The following TRPM3 variants were observed in gnomAD, a reference collection of about 807,000 sequenced individuals.
The protein encoded by TRPM3 is transient receptor potential cation channel subfamily M member 3.
TRPM3 carries 77 observed loss-of-function variants against 181.2 expected under a neutral mutation model. The ratio of observed to expected loss-of-function variants is 0.42; its 90% CI spans 0.35 to 0.51. The LOEUF (loss-of-function observed/expected upper bound fraction) is 0.51, where lower values mean the gene tolerates loss of function less well. Among genes scored for constraint, TRPM3 ranks in the 20% least tolerant of loss-of-function variants. The pLI, the probability that TRPM3 is intolerant of heterozygous loss-of-function variation, is 0.01. For missense variants in TRPM3, 1,759 were observed against 2,196.7 expected, an observed-to-expected ratio of 0.80 and a Z score of 3.98; for synonymous variants, 745 against 796.4, an observed-to-expected ratio of 0.94 and a Z score of 1.09.
intron 5 of TRPM3, among the ~76,000 whole-genome samples, chr9:70,840,688 A>T (rs1009463337): frequency 6.6e-6 from 1 of 152,170 alleles, no homozygotes; most frequent in Non-Finnish European, 1.5e-5. Flanking sequence ...AGGTAGAAGA[A>T]TCAGAAGTGA....
intron 1 of TRPM3, among the ~76,000 whole-genome samples, chr9:70,905,817 A>T (rs761448489): frequency 6.6e-6 from 1 of 151,638 alleles, no homozygotes; most frequent in Non-Finnish European, 1.5e-5. Context: ...ATTGCAGCTC[A>T]CTGTTTGCCT....
intron 7 of TRPM3, among the ~76,000 whole-genome samples, chr9:70,783,654 A>T (rs1031781196): frequency 5.3e-5 from 8 of 152,206 alleles, no homozygotes; most frequent in African/African-American, 1.7e-4. Context: ...TCTACCACAT[A>T]TCTTCACAGT....
At chr9:70,950,387 A>G (rs1590016535) in intron 1 of TRPM3, among the ~76,000 whole-genome samples, 2 of 152,182 alleles carry the variant, frequency 1.3e-5, no homozygotes, top group East Asian at 3.9e-4. Context: ...TTGATCCATT[A>G]AACATAGATA....
chr9:71,184,907 G>A (rs926756335), intron 1 of TRPM3, among the ~76,000 whole-genome samples: 4 of 152,100 alleles, frequency 2.6e-5, no homozygotes, highest in African/African-American at 9.7e-5. Flanking sequence ...AATAAAGGGA[G>A]GGAATGAGTA....
At chr9:70,669,006 C>T (rs17055479) in intron 9 of TRPM3, among the ~76,000 whole-genome samples, 42,070 of 151,998 alleles carry the variant, frequency 0.28, 6,025 homozygotes, top group South Asian at 0.33. Context: ...GTTGGGATGG[C>T]AATTAGCTTA....
intron 25 of TRPM3, among the ~76,000 whole-genome samples, chr9:70,542,651 T>A (rs906588947): frequency 1.3e-5 from 2 of 152,242 alleles, no homozygotes; most frequent in African/African-American, 4.8e-5. Flanking sequence ...TTTATGGAAC[T>A]TTATCTGCTT....
chr9:71,166,587 CT>C (rs1489395526), intron 1 of TRPM3, among the ~76,000 whole-genome samples: 2 of 152,096 alleles, frequency 1.3e-5, no homozygotes, highest in East Asian at 3.9e-4. Flanking sequence ...GTTACAGTAT[CT>C]TGCCAAAATG....
chr9:71,420,987 AAG>A (rs140620697), intron 1 of TRPM3, among the ~76,000 whole-genome samples: 2,190 of 68,262 alleles, frequency 0.032, 90 homozygotes, highest in African/African-American at 0.077. Flanking sequence ...GAGAGAGAAA[AAG>A]AGAGAGAAAA....
intron 1 of TRPM3, among the ~76,000 whole-genome samples, chr9:71,022,952 G>A (rs779648517): frequency 6.6e-4 from 101 of 152,124 alleles, no homozygotes; most frequent in Non-Finnish European, 1.0e-3. Context: ...ATGAATTCTA[G>A]CCTTGAAACC....
At chr9:71,046,443 G>A (rs1457254929) in intron 1 of TRPM3, among the ~76,000 whole-genome samples, 1 of 152,140 alleles carries the variant, frequency 6.6e-6, no homozygotes, top group African/African-American at 2.4e-5. Context: ...TTAATATTCA[G>A]TATCTTGTAA....
chr9:71,073,775 TA>T lies in TRPM3; in HGVS notation c.177+47402del, dbSNP rs201351073. On this transcript the variant is annotated intron_variant, in intron 1 of 25. Transcript: ENST00000677713. ...ATGATGCACAAATTAATTATTTAATTAAAAAAAACAGAAAAATATTGCTGAG... is the reference window on the plus strand; with the variant it reads ...ATGATGCACAAATTAATTATTTAATTAAAAAAACAGAAAAATATTGCTGAG... Among the ~76,000 whole-genome samples, 1,416 of 151,968 alleles carry T rather than the reference TA, an allele frequency of 9.3e-3. 22 individuals carry two copies. Among genetic ancestry groups the T allele is most frequent in the African/African-American group, 0.03 (1,257 of 41,480 alleles).
At chr9:70,864,391 T>C (rs776248514) in intron 2 of TRPM3, 41 bp downstream of exon 2, 2 of 1,370,556 alleles carry the variant, frequency 1.5e-6, no homozygotes, top group Non-Finnish European at 1.9e-6. Context: ...TTTTGTATAA[T>C]TACTACTTCA....
intron 1 of TRPM3, among the ~76,000 whole-genome samples, chr9:71,294,494 A>G (rs568012996): frequency 1.3e-5 from 2 of 152,226 alleles, no homozygotes; most frequent in South Asian, 4.1e-4. Context: ...AGGAGGATAT[A>G]AAGCTCCATG....
chr9:71,227,856 C>G (rs1159450566), intron 1 of TRPM3, among the ~76,000 whole-genome samples: 3 of 152,190 alleles, frequency 2.0e-5, no homozygotes, highest in South Asian at 2.1e-4. Flanking sequence ...AATTTCCCAA[C>G]AAAGTAAAGC....
chr9:71,227,108 CAAAAAA>C (rs368727383), intron 1 of TRPM3, among the ~76,000 whole-genome samples: 4 of 40,194 alleles, frequency 1.0e-4, no homozygotes, highest in Non-Finnish European at 2.0e-4. Context: ...TACTTCATCT[CAAAAAA>C]AAAAAAAAAA....
rs1210422754 is a variant in TRPM3, at chr9:71,190,662, TTTC to T, written c.183+255988_183+255990del. Among the ~76,000 whole-genome samples the T allele has an allele frequency of 2.0e-5, 3 of 151,990 alleles. No individual in the cohort carries two copies. In the East Asian group the frequency reaches 5.8e-4, roughly 29 times the overall value. On this transcript the variant is annotated intron_variant, in intron 1 of 24. Coordinates refer to the TRPM3 transcript ENST00000357533. ...AAATTGCCTAAATTCATGTTGTACA[TTTC>T]TTCTTAATATAGGGTCTCCATATCT...
rs1271597442 is a variant in TRPM3 at position 71,279,053 on chromosome 9, AAATAAAAAT to A, written c.183+167591_183+167599del. On this transcript the variant is annotated intron_variant, in intron 1 of 24. Coordinates refer to the TRPM3 transcript ENST00000357533. ...CTTAGGTTAAAAAAAATAAAAATAAAAATAAAAATAAAAAAACCACCAACGACCATTTAT... is the reference window on the plus strand; with the variant it reads ...CTTAGGTTAAAAAAAATAAAAATAAAAAAAAAACCACCAACGACCATTTAT... 2.9e-4 allele frequency among the ~76,000 whole-genome samples: 41 copies of A among 139,912 alleles called. 3 individuals carry two copies. Among genetic ancestry groups the A allele is most frequent in the East Asian group, 8.0e-4 (4 of 5,002 alleles). The allele number at this position is 139,912 out of a possible 152,430, so 91.8% of individuals were successfully genotyped here.
At chr9:71,267,613 C>G (rs932327151) in intron 1 of TRPM3, among the ~76,000 whole-genome samples, 5 of 152,174 alleles carry the variant, frequency 3.3e-5, no homozygotes, top group African/African-American at 1.2e-4. Context: ...AACTCCACAG[C>G]CCACCTCTCA....
chr9:71,002,384 T>C (rs1170252037), intron 1 of TRPM3, among the ~76,000 whole-genome samples: 1 of 152,196 alleles, frequency 6.6e-6, no homozygotes, highest in African/African-American at 2.4e-5. Context: ...TGAAAATAAG[T>C]ATCTGTCTCA....
Sources: allele counts gnomAD v4.1 joint callset (sites outside exome capture counted in the v4.1 genomes callset), GRCh38; gene constraint gnomAD v4.1.1; transcripts MANE v1.5; gene names NCBI Gene and HGNC (gene_info 2026-07-23, HGNC 2026-07-21).